Variants in NANOS3 observed in about 807,000 individuals in gnomAD.
NANOS3 encodes the protein nanos C2HC-type zinc finger 3.
NANOS3 carries 11 observed loss-of-function variants against 13.8 expected under a neutral mutation model. The ratio of observed to expected loss-of-function variants is 0.80; its 90% CI spans 0.50 to 1.32. The LOEUF (loss-of-function observed/expected upper bound fraction) is 1.32. Among genes scored for constraint, NANOS3 ranks in the 40% most tolerant of loss-of-function variants. The probability of loss-of-function intolerance (pLI) is 0.00; values close to 1 mark genes in which losing one functional copy is unlikely to be tolerated. For missense variants in NANOS3, 221 were observed against 263.8 expected, an observed-to-expected ratio of 0.84 and a Z score of 1.12; for synonymous variants, 119 against 115.4, an observed-to-expected ratio of 1.03 and a Z score of -0.20.
chr19:13,877,534 A>T lies in NANOS3; in HGVS notation c.286A>T (p.Lys96Ter). 6.2e-7 allele frequency: 1 copy of T among 1,612,410 alleles called. No individual in the cohort carries two copies. The change falls in exon 1 of 2, where the codon AAG becomes TAG. Residue 96 changes from lysine to a stop codon, truncating the protein, a stop_gained. Transcript: ENST00000339133. LOFTEE classifies it high-confidence loss of function. ...GGCCATCTACCAGTCCCACGTGCTGAAGGACGAGGCTGGCAGGGTGCTGTG... is the reference window on the plus strand; with the variant it reads ...GGCCATCTACCAGTCCCACGTGCTGTAGGACGAGGCTGGCAGGGTGCTGTG... ...SRAIYQSHVL[K>*]DEAGRVLCPI... is the part of the protein sequence containing the mutation.
chr19:13,869,929 C>T (rs1976301055), intron 1 of NANOS3, among the ~76,000 whole-genome samples: 1 of 152,112 alleles, frequency 6.6e-6, no homozygotes. Flanking sequence ...CAGCTTGCCA[C>T]CTCCCACCCT....
chr19:13,865,515 GGCGGGAC>G (rs1312221325), intron 1 of NANOS3: 1 of 145,096 alleles, frequency 6.9e-6, no homozygotes, highest in East Asian at 2.0e-4. Context: ...GGCGGGGCGG[GGCGGGAC>G]GCGGCCGCAG....
In NANOS3 at chr19:13,877,432, G is replaced by A. The variant is rs370536946; in HGVS notation, c.184G>A (p.Asp62Asn). Reference sequence around the variant, plus strand: ...GTCGGTGCCAGTGCCGGGACCCAAGGATCAGAAGCGCAGCCTGGAGTCCTC... The same window carrying A: ...GTCGGTGCCAGTGCCGGGACCCAAGAATCAGAAGCGCAGCCTGGAGTCCTC... ...PESVPVPGPK[D>N]QKRSLESSPA... Residue 62 changes from aspartate to asparagine, a missense_variant, in exon 1 of 2, where the codon GAT becomes AAT. Coordinates refer to ENST00000339133, the MANE Select transcript of NANOS3 (RefSeq NM_001098622.3). 1.5e-4 allele frequency: 247 copies of A among 1,612,108 alleles called. No individual in the cohort carries two copies. Among genetic ancestry groups the A allele is most frequent in the Non-Finnish European group, 1.9e-4 (222 of 1,180,002 alleles).
chr19:13,880,411 T>C (rs1968610901), intron 1 of NANOS3, 31 bp from the exon 2 acceptor site: 1 of 1,608,578 alleles, frequency 6.2e-7, no homozygotes, highest in African/African-American at 1.3e-5. Context: ...TCGCCTGTGA[T>C]TAAGCATTTC....
chr19:13,868,999 C>T (rs1366101894), intron 1 of NANOS3, among the ~76,000 whole-genome samples: 1 of 151,958 alleles, frequency 6.6e-6, no homozygotes, highest in East Asian at 1.9e-4. Flanking sequence ...CTTACAGACA[C>T]CCACAGAACC....
upstream of NANOS3, among the ~76,000 whole-genome samples, chr19:13,872,871 G>A (rs1423549145): frequency 6.6e-6 from 1 of 152,202 alleles, no homozygotes; most frequent in Non-Finnish European, 1.5e-5. Flanking sequence ...CGGGTGAGAG[G>A]GCGGGCTCTG....
At chr19:13,874,143 G>A (rs1968458469), upstream of NANOS3, among the ~76,000 whole-genome samples, 1 of 152,102 alleles carries the variant, frequency 6.6e-6, no homozygotes, top group Admixed American at 6.5e-5. Context: ...GTCTAGTGGG[G>A]CCCCAGTGCA....
chr19:13,879,958 G>A (rs1335148693), intron 1 of NANOS3, among the ~76,000 whole-genome samples: 1 of 151,906 alleles, frequency 6.6e-6, no homozygotes, highest in African/African-American at 2.4e-5. Flanking sequence ...CCCGGGAGGT[G>A]GAGGTCGCAG....
At chr19:13,878,603 CTTTTTTTTTTTAA>C (rs972005132) in intron 1 of NANOS3, among the ~76,000 whole-genome samples, 3 of 145,326 alleles carry the variant, frequency 2.1e-5, no homozygotes, top group African/African-American at 7.6e-5. Context: ...ATTTTTCTTC[CTTTTTTTTTTTAA>C]TTTTTTTTTT....
upstream of NANOS3, among the ~76,000 whole-genome samples, chr19:13,872,281 A>G (rs1001414808): frequency 4.5e-4 from 67 of 149,080 alleles, no homozygotes; most frequent in African/African-American, 1.5e-3. Flanking sequence ...GGAGGTGGAA[A>G]TTGCAGTGGG....
At chr19:13,879,059 C>G (rs1361018218) in intron 1 of NANOS3, among the ~76,000 whole-genome samples, 1 of 152,142 alleles carries the variant, frequency 6.6e-6, no homozygotes, top group East Asian at 1.9e-4. Context: ...CTTACCTCAG[C>G]CTCCCGAGTA....
At chr19:13,862,659 T>C (rs62122071), upstream of NANOS3, among the ~76,000 whole-genome samples, 19,699 of 152,082 alleles carry the variant, frequency 0.13, 1,460 homozygotes, top group African/African-American at 0.17. Context: ...ATGCTTTAGC[T>C]TCCTGAGTAG....
Position 13,877,140 on chromosome 19 carries a change from CAG to C in NANOS3, c.-104_-103del. 6 of 951,830 alleles carry C rather than the reference CAG, an allele frequency of 6.3e-6. No individual in the cohort carries two copies. In the South Asian group the frequency reaches 9.2e-5, roughly 15 times the overall value. 59.0% of individuals were successfully genotyped at this position (951,830 alleles called of 1,614,324 possible). A position where few individuals can be genotyped will look rare whatever the true frequency, so the allele number is the denominator to read the frequency against. On this transcript the variant is annotated 5_prime_UTR_variant, in exon 1 of 2. Transcript: ENST00000339133. Reference sequence around the variant, plus strand: ...TCGGCCAGCACAGACTCCCAGGCTCCAGAGAGGGGAAGGAAGGGGCAGCAGAG... The same window carrying C: ...TCGGCCAGCACAGACTCCCAGGCTCCAGAGGGGAAGGAAGGGGCAGCAGAG...
chr19:13,865,594 C>G (rs967500678), intron 1 of NANOS3, among the ~76,000 whole-genome samples: 3 of 148,282 alleles, frequency 2.0e-5, no homozygotes, highest in African/African-American at 7.3e-5. Flanking sequence ...GCCCGGCCCT[C>G]CATTGTTGTT....
At chr19:13,872,231 G>T (rs1400794150), upstream of NANOS3, among the ~76,000 whole-genome samples, 3 of 151,466 alleles carry the variant, frequency 2.0e-5, no homozygotes, top group Non-Finnish European at 4.4e-5. Flanking sequence ...TGTAGTCCCA[G>T]CTACTCAGGA....
rs1411140802 is a variant in NANOS3, at chr19:13,880,688, C to T, written c.*185C>T. Reference sequence around the variant, plus strand: ...TCCTTGGGGACCCCACCCTTTGTGCCATCTGCCGTTTCCCTAGTGCTGGGC... The same window carrying T: ...TCCTTGGGGACCCCACCCTTTGTGCTATCTGCCGTTTCCCTAGTGCTGGGC... On this transcript the variant is annotated 3_prime_UTR_variant, in exon 2 of 2. Transcript: ENST00000339133. The T allele has an allele frequency of 1.0e-5, 6 of 594,594 alleles. No homozygotes were observed. In the East Asian group the frequency reaches 1.4e-4, roughly 14 times the overall value. 36.8% of individuals were successfully genotyped at this position (594,594 alleles called of 1,614,324 possible).
chr19:13,864,625 T>C (rs1599296065), upstream of NANOS3, among the ~76,000 whole-genome samples: 5 of 152,170 alleles, frequency 3.3e-5, no homozygotes, highest in East Asian at 7.7e-4. Flanking sequence ...ACTGTGTGTG[T>C]ATGTTGGGGG....
chr19:13,866,447 C>T (rs1976242781), intron 1 of NANOS3, among the ~76,000 whole-genome samples: 2 of 152,134 alleles, frequency 1.3e-5, no homozygotes, highest in African/African-American at 4.8e-5. Context: ...GATGGAGACC[C>T]CCAAAATTAC....
At chr19:13,876,124 G>A (rs943727839), upstream of NANOS3, among the ~76,000 whole-genome samples, 8 of 152,122 alleles carry the variant, frequency 5.3e-5, no homozygotes, top group East Asian at 1.9e-4. Context: ...AGAAGAAGGA[G>A]GCAGATGTGG....
Sources: allele counts gnomAD v4.1 joint callset (sites outside exome capture counted in the v4.1 genomes callset), GRCh38; gene constraint gnomAD v4.1.1; transcripts MANE v1.5; gene names NCBI Gene and HGNC (gene_info 2026-07-23, HGNC 2026-07-21).